HPSE2: variants seen among roughly 807,000 people sequenced by gnomAD.
HPSE2 encodes the protein heparanase 2 (inactive).
A neutral mutation model predicts 60.5 loss-of-function variants in HPSE2; 38 were observed. That is an observed-to-expected ratio of 0.63 (90% confidence interval 0.48 to 0.82). The LOEUF (loss-of-function observed/expected upper bound fraction) is 0.82. Ranked by LOEUF, HPSE2 falls within the 40% of genes least tolerant of loss-of-function variation. HPSE2 has a pLI of 0.00. For missense variants in HPSE2, 713 were observed against 740.4 expected, an observed-to-expected ratio of 0.96 and a Z score of 0.43; for synonymous variants, 295 against 293.2, an observed-to-expected ratio of 1.01 and a Z score of -0.06.
chr10:98,766,462 A>G (rs1439361553), intron 3 of HPSE2, among the ~76,000 whole-genome samples: 4 of 152,214 alleles, frequency 2.6e-5, no homozygotes, highest in African/African-American at 7.2e-5. Flanking sequence ...CTTGTAACAA[A>G]ATGAAATAAA....
At chr10:98,464,505 G>C (rs1344750849) in intron 11 of HPSE2, among the ~76,000 whole-genome samples, 10 of 152,140 alleles carry the variant, frequency 6.6e-5, no homozygotes, top group Admixed American at 6.5e-4. Flanking sequence ...CTCCTCTGGA[G>C]AACCTTCTCT....
chr10:98,518,400 A>T (rs1317092821), intron 9 of HPSE2, among the ~76,000 whole-genome samples: 17 of 152,154 alleles, frequency 1.1e-4, no homozygotes, highest in African/African-American at 3.9e-4. Context: ...TAAGCCTCAG[A>T]ATCCTCATGT....
At chr10:98,741,872 A>G (rs1009384278) in intron 4 of HPSE2, among the ~76,000 whole-genome samples, 4 of 152,160 alleles carry the variant, frequency 2.6e-5, no homozygotes, top group Non-Finnish European at 5.9e-5. Context: ...GCCCTGTTTG[A>G]AGAATATTTT....
At chr10:99,258,336 T>C in the HPSE2 span, among the ~76,000 whole-genome samples, 2 of 151,824 alleles carry the variant, frequency 1.3e-5, no homozygotes, top group Non-Finnish European at 2.9e-5. Context: ...GTGCAAGACC[T>C]GAAAACTATA....
At chr10:99,102,290 T>C (rs1279303870) in intron 3 of HPSE2, among the ~76,000 whole-genome samples, 1 of 151,892 alleles carries the variant, frequency 6.6e-6, no homozygotes, top group Admixed American at 6.6e-5. Context: ...TAAAAAATGA[T>C]AAAGGGGATA....
At chr10:98,806,599 T>C (rs1951046622) in intron 3 of HPSE2, among the ~76,000 whole-genome samples, 1 of 152,164 alleles carries the variant, frequency 6.6e-6, no homozygotes, top group African/African-American at 2.4e-5. Context: ...TGAAAGTGCT[T>C]TGTGAAAAAC....
chr10:99,006,671 G>C (rs1467920718), intron 3 of HPSE2, among the ~76,000 whole-genome samples: 1 of 152,116 alleles, frequency 6.6e-6, no homozygotes, highest in Non-Finnish European at 1.5e-5. Flanking sequence ...GGGCTTCAGG[G>C]GATGGCCTCA....
At chr10:99,277,752 T>G in the HPSE2 span, among the ~76,000 whole-genome samples, 1 of 152,058 alleles carries the variant, frequency 6.6e-6, no homozygotes, top group Non-Finnish European at 1.5e-5. Flanking sequence ...TAAGAAAAGA[T>G]GGAAAAATAT....
intron 9 of HPSE2, among the ~76,000 whole-genome samples, chr10:98,509,108 G>A (rs1457905473): frequency 1.3e-5 from 2 of 152,116 alleles, no homozygotes; most frequent in Non-Finnish European, 2.9e-5. Context: ...AAGGTCAAGA[G>A]ATCAAGACCA....
chr10:99,093,994 T>C (rs1426529749), intron 3 of HPSE2, among the ~76,000 whole-genome samples: 1 of 152,198 alleles, frequency 6.6e-6, no homozygotes, highest in African/African-American at 2.4e-5. Flanking sequence ...CTCAATACAT[T>C]GATTTTTTTA....
chr10:99,292,208 T>C, the HPSE2 span, among the ~76,000 whole-genome samples: 4 of 152,212 alleles, frequency 2.6e-5, no homozygotes, highest in Non-Finnish European at 5.9e-5. Context: ...TGGAAAATGT[T>C]TGAAAACAGG....
chr10:99,138,673 A>G (rs1372601914), intron 3 of HPSE2, among the ~76,000 whole-genome samples: 1 of 152,176 alleles, frequency 6.6e-6, no homozygotes, highest in African/African-American at 2.4e-5. Flanking sequence ...GTTCTCACTC[A>G]TAAGTGGGAG....
chr10:98,504,008 GA>G (rs1254075478), intron 9 of HPSE2, among the ~76,000 whole-genome samples: 2 of 152,030 alleles, frequency 1.3e-5, no homozygotes, highest in Admixed American at 6.5e-5. Flanking sequence ...TAACTTATGG[GA>G]AAAAAATCAG....
chr10:98,709,353 G>C (rs2134214683), intron 5 of HPSE2, among the ~76,000 whole-genome samples: 1 of 152,268 alleles, frequency 6.6e-6, no homozygotes, highest in South Asian at 2.1e-4. Context: ...CTAGATTTAG[G>C]TCTATGAAGG....
At chr10:98,495,431 T>C (rs548819736) in intron 9 of HPSE2, among the ~76,000 whole-genome samples, 1 of 152,260 alleles carries the variant, frequency 6.6e-6, no homozygotes, top group South Asian at 2.1e-4. Flanking sequence ...TTATCAAATT[T>C]GAGACGTTTT....
At chr10:98,497,889 AT>A (rs1256013239) in intron 9 of HPSE2, among the ~76,000 whole-genome samples, 1 of 152,024 alleles carries the variant, frequency 6.6e-6, no homozygotes, top group Non-Finnish European at 1.5e-5. Flanking sequence ...ATTTTCTAGT[AT>A]TTGTGTTTTG....
chr10:98,511,872 C>T (rs1033644938), intron 9 of HPSE2, among the ~76,000 whole-genome samples: 1 of 152,146 alleles, frequency 6.6e-6, no homozygotes, highest in Non-Finnish European at 1.5e-5. Flanking sequence ...GTTTTTGCTT[C>T]TGGGAATTAT....
At chr10:98,564,779 T>G (rs766921392) in intron 9 of HPSE2, among the ~76,000 whole-genome samples, 1 of 152,200 alleles carries the variant, frequency 6.6e-6, no homozygotes, top group East Asian at 1.9e-4. Context: ...CAGATGGCCA[T>G]GTTTTAAATA....
At chr10:99,010,765 A>C (rs539206215) in intron 3 of HPSE2, among the ~76,000 whole-genome samples, 7 of 152,280 alleles carry the variant, frequency 4.6e-5, no homozygotes, top group African/African-American at 1.7e-4. Context: ...ATAAAATATT[A>C]GTCAAATACT....
Sources: gnomAD v4.1 joint callset for allele counts (sites outside exome capture counted in the v4.1 genomes callset) on GRCh38, gnomAD v4.1.1 for gene constraint, MANE v1.5 for transcripts, NCBI Gene and HGNC (gene_info 2026-07-23, HGNC 2026-07-21) for gene names.